Variants in COMMD1 observed in about 807,000 individuals in gnomAD.
COMMD1 encodes the protein copper metabolism domain containing 1.
Under a neutral mutation model 17.2 loss-of-function variants are expected in COMMD1, and 10 were observed. That is an observed-to-expected ratio of 0.58 (90% CI 0.36 to 0.99). The LOEUF is 0.99. Among genes scored for constraint, COMMD1 ranks in the 50% least tolerant of loss-of-function variants. The pLI, the probability that COMMD1 is intolerant of heterozygous loss-of-function variation, is 0.01. For synonymous variants in COMMD1, 97 were observed against 91.6 expected (o/e 1.06, Z -0.34); for missense variants, 270 against 231.8 (o/e 1.17, Z -1.07).
Position 62,003,052 on chromosome 2 carries a change from G to A in COMMD1, c.462+2070G>A, listed in dbSNP as rs148397141. The stretch of plus-strand genomic sequence containing the variant: ...GATCAAGACCAGCCTGGCCAACATG[G>A]GGAAACCCCATCTCTACTAAAAATA... On this transcript the variant is annotated intron_variant, in intron 2 of 2. Coordinates refer to ENST00000311832, the MANE Select transcript of COMMD1 (RefSeq NM_152516.4). Among the ~76,000 whole-genome samples, 62 of 150,572 alleles carry A rather than the reference G, an allele frequency of 4.1e-4. No homozygotes were observed. The East Asian group carries it at 0.012, about 28-fold the overall frequency.
At chr2:62,069,777 T>A (rs1290886255) in intron 2 of COMMD1, 2 of 152,222 alleles carry the variant, frequency 1.3e-5, no homozygotes, top group African/African-American at 4.8e-5. Context: ...ATTTGGCACT[T>A]CTTTTCCTAA....
Position 61,926,957 on chromosome 2 carries a change from C to T in COMMD1, c.180+21099C>T, listed in dbSNP as rs188485605. ...AATCTATTGAGACGTGCCTCAGTCACTTTTGGCTTAACAATCTCAATTGTG... is the reference window on the plus strand; with the variant it reads ...AATCTATTGAGACGTGCCTCAGTCATTTTTGGCTTAACAATCTCAATTGTG... On this transcript the variant is annotated intron_variant, in intron 1 of 2. Transcript: ENST00000311832. 2.1e-3 allele frequency among the ~76,000 whole-genome samples: 324 copies of T among 152,220 alleles called. 2 individuals carry two copies. The highest frequency in any genetic ancestry group is 2.8e-3 in the Non-Finnish European group (193 of 68,038).
chr2:62,027,535 C>T (rs539255181), intron 2 of COMMD1, among the ~76,000 whole-genome samples: 81 of 152,276 alleles, frequency 5.3e-4, no homozygotes, highest in African/African-American at 1.9e-3. Flanking sequence ...ATGGGCATTA[C>T]TCTGCATATT....
chr2:61,958,269 CTTTT>C (rs542798625), intron 1 of COMMD1, among the ~76,000 whole-genome samples: 1 of 141,242 alleles, frequency 7.1e-6, no homozygotes. Flanking sequence ...TCTTTCTTTC[CTTTT>C]TTTTTTTTTT....
intron 2 of COMMD1, among the ~76,000 whole-genome samples, chr2:62,096,177 G>A (rs1481662368): frequency 6.6e-6 from 1 of 151,992 alleles, no homozygotes; most frequent in Non-Finnish European, 1.5e-5. Context: ...ATGACATTAG[G>A]TAGGAATGCT....
chr2:61,950,170 G>A (rs1028473061), intron 1 of COMMD1, among the ~76,000 whole-genome samples: 1 of 152,146 alleles, frequency 6.6e-6, no homozygotes, highest in Non-Finnish European at 1.5e-5. Flanking sequence ...GCTGGACCCC[G>A]AGATTTAGGG....
chr2:62,001,921 A>C lies in COMMD1; in HGVS notation c.462+939A>C, dbSNP rs796245614. On this transcript the variant is annotated intron_variant, in intron 2 of 2. Transcript: ENST00000311832. ...CCCAGTTTATGCCTGTAACCCCAGC[A>C]CTTTGGGAGGCTGAGGTGGGCGGAT... 1.4e-4 allele frequency among the ~76,000 whole-genome samples: 21 copies of C among 152,188 alleles called. 1 individual carries two copies. The highest frequency in any genetic ancestry group is 5.1e-4 in the African/African-American group (21 of 41,542).
chr2:62,132,115 C>T (rs765646142), intron 2 of COMMD1, among the ~76,000 whole-genome samples: 1 of 150,796 alleles, frequency 6.6e-6, no homozygotes, highest in Non-Finnish European at 1.5e-5. Context: ...TCTCGAACTC[C>T]TGACCTCCTG....
chr2:62,123,540 GGAAGGAAGGAAGGAAA>G (rs1435877169), intron 2 of COMMD1, among the ~76,000 whole-genome samples: 7 of 144,978 alleles, frequency 4.8e-5, no homozygotes, highest in South Asian at 2.1e-4. Context: ...AAAACAGGAA[GGAAGGAAGGAAGGAAA>G]GAAGGAAGGA....
intron 1 of COMMD1, among the ~76,000 whole-genome samples, chr2:61,935,641 A>C (rs1263403236): frequency 6.6e-6 from 1 of 152,056 alleles, no homozygotes; most frequent in Non-Finnish European, 1.5e-5. Flanking sequence ...CAAAAAAAAA[A>C]AGGTAAAATT....
intron 2 of COMMD1, among the ~76,000 whole-genome samples, chr2:62,131,655 G>A (rs542484946): frequency 2.6e-4 from 39 of 152,006 alleles, no homozygotes; most frequent in Admixed American, 1.1e-3. Flanking sequence ...CAATCCTTCC[G>A]CCTCAGCCTC....
intron 1 of COMMD1, among the ~76,000 whole-genome samples, chr2:61,911,018 G>A (rs921967120): frequency 1.3e-5 from 2 of 151,892 alleles, no homozygotes; most frequent in Non-Finnish European, 2.9e-5. Context: ...GGGAGGCGGA[G>A]GTCGTGGTGA....
At chr2:61,975,563 T>C (rs1293135235) in intron 1 of COMMD1, among the ~76,000 whole-genome samples, 1 of 152,158 alleles carries the variant, frequency 6.6e-6, no homozygotes, top group Non-Finnish European at 1.5e-5. Context: ...ATTGATAGAA[T>C]TATATGATTT....
At chr2:61,960,859 C>T (rs986254762) in intron 1 of COMMD1, among the ~76,000 whole-genome samples, 4 of 152,248 alleles carry the variant, frequency 2.6e-5, no homozygotes, top group Admixed American at 1.3e-4. Context: ...CCCTTTGCAA[C>T]ATTTCCTACC....
At chr2:61,963,874 C>G (rs1421666397) in intron 1 of COMMD1, among the ~76,000 whole-genome samples, 1 of 152,220 alleles carries the variant, frequency 6.6e-6, no homozygotes, top group East Asian at 1.9e-4. Flanking sequence ...GAATAAGTCT[C>G]TTTCTCTCAG....
intron 1 of COMMD1, among the ~76,000 whole-genome samples, chr2:61,959,416 A>G (rs1671282318): frequency 6.6e-6 from 1 of 152,222 alleles, no homozygotes; most frequent in South Asian, 2.1e-4. Context: ...CGTGAGTAAC[A>G]GGAATAAAAG....
chr2:61,992,727 C>G (rs1419528613), intron 1 of COMMD1, among the ~76,000 whole-genome samples: 1 of 152,154 alleles, frequency 6.6e-6, no homozygotes, highest in East Asian at 1.9e-4. Flanking sequence ...TAGCCTCCAC[C>G]ATTTCTCAGG....
chr2:61,989,180 G>T (rs1672181003), intron 1 of COMMD1, among the ~76,000 whole-genome samples: 1 of 152,176 alleles, frequency 6.6e-6, no homozygotes, highest in Admixed American at 6.5e-5. Context: ...CAGGGAGGAA[G>T]ATTGGTAGAG....
chr2:61,903,032 C>T (rs1007909227), upstream of COMMD1, among the ~76,000 whole-genome samples: 1 of 152,118 alleles, frequency 6.6e-6, no homozygotes, highest in African/African-American at 2.4e-5. Flanking sequence ...TCTGTAAGTA[C>T]ATGTAAAACA....
Sources: gnomAD v4.1 joint callset for allele counts (sites outside exome capture counted in the v4.1 genomes callset) on GRCh38, gnomAD v4.1.1 for gene constraint, MANE v1.5 for transcripts, NCBI Gene and HGNC (gene_info 2026-07-23, HGNC 2026-07-21) for gene names.